Variants in PEX5L observed in about 807,000 individuals in gnomAD.
PEX5L encodes the protein PEX5-related protein.
In PEX5L, 30 loss-of-function variants were observed where a neutral mutation model predicts 84.0. The ratio of observed to expected loss-of-function variants is 0.36; its 90% CI spans 0.27 to 0.48. The LOEUF (loss-of-function observed/expected upper bound fraction) is 0.48. Among genes scored for constraint, PEX5L ranks in the 20% least tolerant of loss-of-function variants. PEX5L has a pLI of 0.99. For synonymous variants in PEX5L, 270 were observed against 283.1 expected, an observed-to-expected ratio of 0.95 and a Z score of 0.46; for missense variants, 533 against 754.6, an observed-to-expected ratio of 0.71 and a Z score of 3.44.
intron 8 of PEX5L, among the ~76,000 whole-genome samples, chr3:179,832,077 A>G (rs892923990): frequency 2.6e-5 from 4 of 152,184 alleles, no homozygotes; most frequent in African/African-American, 9.7e-5. Flanking sequence ...CAACATGTTT[A>G]TAAGGCTGTT....
rs1401059481 is a variant in PEX5L, at chr3:179,801,666, C to T, written c.*162G>A. The T allele has an allele frequency of 1.4e-5, 9 of 624,086 alleles. No homozygotes were observed. The highest frequency in any genetic ancestry group is 2.3e-5 in the Non-Finnish European group (8 of 352,442). The allele number at this position is 624,086 out of a possible 1,614,324, so 38.7% of individuals were successfully genotyped here. A position where few individuals can be genotyped will look rare whatever the true frequency, so the allele number is the denominator to read the frequency against. ...AACATTTTGTGCTTTTGGATCTGAA[C>T]AGAGACTGGGCATTGTCCACAGGAA... is the stretch of plus-strand genomic sequence containing the variant. On this transcript the variant is annotated 3_prime_UTR_variant, in exon 15 of 15. Transcript: ENST00000467460.
At chr3:179,981,805 GAA>G (rs11294284) in intron 1 of PEX5L, among the ~76,000 whole-genome samples, 3 of 149,744 alleles carry the variant, frequency 2.0e-5, no homozygotes, top group Non-Finnish European at 3.0e-5. Context: ...CATGCTATTT[GAA>G]AAAAAAAACA....
intron 3 of PEX5L, among the ~76,000 whole-genome samples, chr3:179,892,006 C>A (rs1444840549): frequency 1.3e-5 from 2 of 151,994 alleles, no homozygotes; most frequent in Non-Finnish European, 1.5e-5. Flanking sequence ...ACTTTATGAA[C>A]TTCTCTTATT....
intron 8 of PEX5L, among the ~76,000 whole-genome samples, chr3:179,832,731 C>T (rs1436218940): frequency 1.3e-5 from 2 of 151,804 alleles, no homozygotes; most frequent in African/African-American, 2.4e-5. Flanking sequence ...TACCCACCCA[C>T]TTACCTACCC....
At chr3:179,841,269 C>T (rs1356532589) in intron 8 of PEX5L, among the ~76,000 whole-genome samples, 4 of 152,162 alleles carry the variant, frequency 2.6e-5, no homozygotes, top group African/African-American at 4.8e-5. Context: ...CACTCATCTG[C>T]GCCTCTGTAC....
intron 2 of PEX5L, among the ~76,000 whole-genome samples, chr3:179,966,623 T>G (rs1174077723): frequency 6.6e-6 from 1 of 152,170 alleles, no homozygotes; most frequent in African/African-American, 2.4e-5. Context: ...TTCTTCCATT[T>G]TAATTTCATG....
At position 179,985,664 on chromosome 3, in the gene PEX5L, C is replaced by A. The variant is rs117372094; in HGVS notation, c.22-13999G>T. ...GCCAGTCCACCTTAGCTTAAAACCC[C>A]CTTTTCCCCTTATTTTCCTAGTTTG... On this transcript the variant is annotated intron_variant, in intron 1 of 14. Transcript: ENST00000467460. Among the ~76,000 whole-genome samples, 183 of 152,178 alleles carry A rather than the reference C, an allele frequency of 1.2e-3. 2 individuals are homozygous for A. The East Asian group carries it at 0.032, about 26-fold the overall frequency.
chr3:179,932,132 T>C (rs1207202876), intron 2 of PEX5L, among the ~76,000 whole-genome samples: 1 of 152,120 alleles, frequency 6.6e-6, no homozygotes, highest in Non-Finnish European at 1.5e-5. Flanking sequence ...CAAAACATTA[T>C]GCAGCTATTT....
At chr3:179,809,091 A>G (rs888535279) in intron 12 of PEX5L, among the ~76,000 whole-genome samples, 13 of 151,112 alleles carry the variant, frequency 8.6e-5, no homozygotes, top group Non-Finnish European at 1.8e-4. Context: ...AAAAAAAAAA[A>G]AAAAAAAAAG....
chr3:179,893,407 T>C (rs1228342415), intron 3 of PEX5L, among the ~76,000 whole-genome samples: 1 of 152,176 alleles, frequency 6.6e-6, no homozygotes, highest in Non-Finnish European at 1.5e-5. Flanking sequence ...TTTTAAATAT[T>C]TTTTGTTACT....
intron 2 of PEX5L, among the ~76,000 whole-genome samples, chr3:179,969,332 T>C (rs1317119097): frequency 6.6e-6 from 1 of 152,052 alleles, no homozygotes; most frequent in Non-Finnish European, 1.5e-5. Context: ...CAAAATGGCA[T>C]ATAATGCTAT....
intron 2 of PEX5L, among the ~76,000 whole-genome samples, chr3:179,914,580 A>C (rs1482335922): frequency 3.3e-5 from 5 of 152,184 alleles, no homozygotes; most frequent in Non-Finnish European, 7.3e-5. Context: ...GGCTTACTGG[A>C]TGGATGAATG....
chr3:179,944,311 C>A (rs187937051), intron 2 of PEX5L, among the ~76,000 whole-genome samples: 1 of 152,288 alleles, frequency 6.6e-6, no homozygotes, highest in Admixed American at 6.5e-5. Flanking sequence ...GAGACTTTTG[C>A]TCAACAAAAA....
intron 1 of PEX5L, among the ~76,000 whole-genome samples, chr3:179,987,876 A>G (rs1196293387): frequency 2.0e-5 from 3 of 152,160 alleles, no homozygotes; most frequent in African/African-American, 7.2e-5. Context: ...GTGGATTTGG[A>G]AAGTGGGTAG....
chr3:179,919,084 A>G (rs903507762), intron 2 of PEX5L, among the ~76,000 whole-genome samples: 1 of 152,190 alleles, frequency 6.6e-6, no homozygotes, highest in Non-Finnish European at 1.5e-5. Context: ...ACATCTGTAC[A>G]TCCTGGATTG....
chr3:179,862,479 T>C (rs538031040), intron 7 of PEX5L, among the ~76,000 whole-genome samples: 1 of 152,334 alleles, frequency 6.6e-6, no homozygotes, highest in South Asian at 2.1e-4. Context: ...CTTATTGTCT[T>C]GTAGAAAGTT....
chr3:180,036,605 T>C lies in PEX5L; in HGVS notation c.-6A>G. 6.2e-7 allele frequency: 1 copy of C among 1,614,166 alleles called. No individual in the cohort carries two copies. The highest frequency in any genetic ancestry group is 8.5e-7 in the Non-Finnish European group (1 of 1,179,960). ...TGCATGTGTCCCTGGTACATTCTGC[T>C]TCGGTTTCTTCAGGGCTCCCTGAGG... On this transcript the variant is annotated 5_prime_UTR_variant, in exon 1 of 15. Transcript: ENST00000467460.
chr3:179,972,222 T>G (rs1426621954), intron 1 of PEX5L, among the ~76,000 whole-genome samples: 1 of 151,896 alleles, frequency 6.6e-6, no homozygotes, highest in Non-Finnish European at 1.5e-5. Context: ...CTAAAATAAT[T>G]TACAAAATTA....
chr3:179,827,106 G>A lies in PEX5L; in HGVS notation c.823-7130C>T, dbSNP rs374014150. Reference sequence around the variant, plus strand: ...ACAGTCGATTGCTTCTTCCCCAAATGGCTACAGCAGTTTTTCTGGCTCCCA... The same window carrying A: ...ACAGTCGATTGCTTCTTCCCCAAATAGCTACAGCAGTTTTTCTGGCTCCCA... On this transcript the variant is annotated intron_variant, in intron 8 of 14. Coordinates refer to ENST00000467460, the MANE Select transcript of PEX5L (RefSeq NM_016559.3). Among the ~76,000 whole-genome samples the A allele has an allele frequency of 5.3e-5, 8 of 152,258 alleles. No homozygotes were observed. The South Asian group carries it at 6.2e-4, about 12-fold the overall frequency.
Sources: allele counts gnomAD v4.1 joint callset (sites outside exome capture counted in the v4.1 genomes callset), GRCh38; gene constraint gnomAD v4.1.1; transcripts MANE v1.5; gene names NCBI Gene and HGNC (gene_info 2026-07-23, HGNC 2026-07-21).